PLCL1: variants seen among roughly 807,000 people sequenced by gnomAD.
PLCL1 encodes the protein phospholipase C like 1 (inactive), also known as inactive phospholipase C-like protein 1.
In PLCL1, 41 loss-of-function variants were observed where a neutral mutation model predicts 84.4. The observed-to-expected ratio is 0.49, with a 90% confidence interval of 0.38 to 0.63. The LOEUF (loss-of-function observed/expected upper bound fraction) is 0.63. Ranked by LOEUF, PLCL1 falls within the 30% of genes least tolerant of loss-of-function variation. The pLI is 0.00. For synonymous variants in PLCL1, 490 were observed against 488.3 expected (o/e 1.00, Z -0.05); for missense variants, 1,206 against 1,367.8 (o/e 0.88, Z 1.87).
chr2:197,837,610 G>A (rs961282348), intron 1 of PLCL1, among the ~76,000 whole-genome samples: 2 of 152,184 alleles, frequency 1.3e-5, no homozygotes, highest in East Asian at 1.9e-4. Context: ...ATGGAGAGCC[G>A]GGATTGGGCC....
chr2:198,140,380 C>G (rs1694355872), intron 5 of PLCL1, among the ~76,000 whole-genome samples: 1 of 151,998 alleles, frequency 6.6e-6, no homozygotes, highest in African/African-American at 2.4e-5. Flanking sequence ...AAAATTGTCT[C>G]CTTATATTAA....
intron 1 of PLCL1, among the ~76,000 whole-genome samples, chr2:197,883,102 T>C (rs954579499): frequency 6.6e-6 from 1 of 152,182 alleles, no homozygotes; most frequent in African/African-American, 2.4e-5. Context: ...AGATGTTCTA[T>C]ATCTTGAGTT....
chr2:197,836,412 A>G (rs1014713606), intron 1 of PLCL1, among the ~76,000 whole-genome samples: 6 of 124,140 alleles, frequency 4.8e-5, no homozygotes, highest in Admixed American at 4.4e-4. Flanking sequence ...CCGCCACTGC[A>G]CTCCAGCCTG....
intron 1 of PLCL1, among the ~76,000 whole-genome samples, chr2:197,980,599 A>G (rs1690082677): frequency 6.6e-6 from 1 of 152,168 alleles, no homozygotes; most frequent in African/African-American, 2.4e-5. Flanking sequence ...GAGAATATTG[A>G]AATTGATCCA....
At chr2:197,897,380 C>T (rs1688174027) in intron 1 of PLCL1, among the ~76,000 whole-genome samples, 1 of 151,954 alleles carries the variant, frequency 6.6e-6, no homozygotes, top group Admixed American at 6.6e-5. Flanking sequence ...ACAATGGAGG[C>T]AATATAGAGT....
chr2:198,008,665 G>C (rs962803699), intron 1 of PLCL1, among the ~76,000 whole-genome samples: 1 of 151,816 alleles, frequency 6.6e-6, no homozygotes, highest in Non-Finnish European at 1.5e-5. Flanking sequence ...ACAAGGAATG[G>C]GTGTCCAAGT....
intron 1 of PLCL1, among the ~76,000 whole-genome samples, chr2:197,879,435 A>G (rs1267666764): frequency 6.6e-6 from 1 of 152,218 alleles, no homozygotes; most frequent in Non-Finnish European, 1.5e-5. Flanking sequence ...CTGTAATTAC[A>G]GTAGTGCTGT....
At chr2:197,912,947 A>C (rs1427075800) in intron 1 of PLCL1, among the ~76,000 whole-genome samples, 8 of 120,992 alleles carry the variant, frequency 6.6e-5, no homozygotes, top group Non-Finnish European at 1.5e-4. Flanking sequence ...AACTTACAGT[A>C]TAATAAAAAA....
At chr2:198,046,698 G>A (rs1381569766) in intron 1 of PLCL1, among the ~76,000 whole-genome samples, 3 of 152,054 alleles carry the variant, frequency 2.0e-5, no homozygotes, top group Non-Finnish European at 2.9e-5. Flanking sequence ...AATTAGCCCG[G>A]TATGGTGGTG....
chr2:198,112,098 T>G (rs1574320866), intron 5 of PLCL1, among the ~76,000 whole-genome samples: 1 of 151,920 alleles, frequency 6.6e-6, no homozygotes, highest in Non-Finnish European at 1.5e-5. Context: ...TAGTGGAAAA[T>G]AGAATGAATT....
At chr2:198,143,895 AT>A (rs5837583) in intron 5 of PLCL1, among the ~76,000 whole-genome samples, 50,678 of 150,444 alleles carry the variant, frequency 0.34, 8,812 homozygotes, top group East Asian at 0.53. Context: ...TAGTTTACCT[AT>A]TTTTTTTTTT....
intron 1 of PLCL1, among the ~76,000 whole-genome samples, chr2:198,007,458 A>G (rs1371722813): frequency 6.6e-6 from 1 of 152,216 alleles, no homozygotes; most frequent in Admixed American, 6.5e-5. Context: ...AACAGGGACC[A>G]TGAAGACATA....
chr2:198,100,684 A>G (rs1447071634), intron 3 of PLCL1, among the ~76,000 whole-genome samples: 1 of 152,070 alleles, frequency 6.6e-6, no homozygotes, highest in African/African-American at 2.4e-5. Context: ...AGTGGTACTT[A>G]GGAAGGAGTG....
At position 198,079,070 on chromosome 2, in the gene PLCL1, A is replaced by T. The variant is rs185637350; in HGVS notation, c.241-4688A>T. ...GATTGAGATCCAAAACTTGTATTGA[A>T]TAAGTAGAGTTTTCTGGGGGCTTAT... On this transcript the variant is annotated intron_variant, in intron 1 of 5. Coordinates refer to ENST00000428675, the MANE Select transcript of PLCL1 (RefSeq NM_006226.4). Among the ~76,000 whole-genome samples, 13 of 152,118 alleles carry T rather than the reference A, an allele frequency of 8.5e-5. No homozygotes were observed. The East Asian group carries it at 2.5e-3, about 29-fold the overall frequency.
chr2:197,808,148 T>G (rs150476742), intron 1 of PLCL1, among the ~76,000 whole-genome samples: 4 of 152,328 alleles, frequency 2.6e-5, no homozygotes, highest in African/African-American at 9.6e-5. Flanking sequence ...TTAAAATCTG[T>G]CTACTTTTTC....
intron 1 of PLCL1, among the ~76,000 whole-genome samples, chr2:197,965,869 T>C (rs1290519130): frequency 6.6e-6 from 1 of 152,142 alleles, no homozygotes; most frequent in Non-Finnish European, 1.5e-5. Context: ...CCAAAGTTTC[T>C]CTTGTTAATG....
At chr2:197,916,761 G>A (rs1420586027) in intron 1 of PLCL1, among the ~76,000 whole-genome samples, 1 of 151,760 alleles carries the variant, frequency 6.6e-6, no homozygotes, top group Admixed American at 6.6e-5. Flanking sequence ...AAATGATGTA[G>A]GCTAAAAAGT....
At chr2:197,902,206 T>C (rs532884443) in intron 1 of PLCL1, among the ~76,000 whole-genome samples, 1 of 152,272 alleles carries the variant, frequency 6.6e-6, no homozygotes, top group African/African-American at 2.4e-5. Flanking sequence ...GATACGCAGC[T>C]ATCCTAGGAC....
At chr2:198,052,102 G>A (rs2105869430) in intron 1 of PLCL1, among the ~76,000 whole-genome samples, 1 of 152,342 alleles carries the variant, frequency 6.6e-6, no homozygotes, top group Admixed American at 6.5e-5. Flanking sequence ...AGTAGAGACA[G>A]GGTTTCTCCA....
Sources: allele counts gnomAD v4.1 joint callset (sites outside exome capture counted in the v4.1 genomes callset), GRCh38; gene constraint gnomAD v4.1.1; transcripts MANE v1.5; gene names NCBI Gene and HGNC (gene_info 2026-07-23, HGNC 2026-07-21).